LPIN1: variants seen among roughly 807,000 people sequenced by gnomAD.
LPIN1 encodes lipin 1.
LPIN1 carries 71 observed loss-of-function variants against 107.5 expected under a neutral mutation model. The observed-to-expected ratio is 0.66, with a 90% CI of 0.55 to 0.80. LPIN1 has a LOEUF of 0.80. Ranked by LOEUF, LPIN1 falls within the 30% of genes least tolerant of loss-of-function variation. The pLI is 0.00. For missense variants in LPIN1, 1,043 were observed against 1,160.6 expected (o/e 0.90, Z 1.47); for synonymous variants, 445 against 452.6 (o/e 0.98, Z 0.21).
chr2:11,820,591 T>C (rs1411586255), intron 20 of LPIN1, 77 bp downstream of exon 20: 1 of 1,036,562 alleles, frequency 9.6e-7, no homozygotes, highest in Non-Finnish European at 1.5e-6. Context: ...GTTTGCGGTG[T>C]ACCTTTTCCC....
At chr2:11,819,399 T>C in intron 18 of LPIN1, 85 bp from the exon 19 acceptor site, 1 of 896,734 alleles carries the variant, frequency 1.1e-6, no homozygotes, top group Non-Finnish European at 1.9e-6. Context: ...TTCTCAGTGT[T>C]GCGGCAGCTT....
chr2:11,733,396 A>G (rs1191093516), intron 1 of LPIN1, among the ~76,000 whole-genome samples: 2 of 152,070 alleles, frequency 1.3e-5, no homozygotes, highest in African/African-American at 4.8e-5. Context: ...CACCCCTAAC[A>G]CTAGTTGGCC....
chr2:11,808,110 C>G (rs772357785), intron 17 of LPIN1, among the ~76,000 whole-genome samples: 1 of 152,186 alleles, frequency 6.6e-6, no homozygotes, highest in Non-Finnish European at 1.5e-5. Flanking sequence ...TGCCACAGTC[C>G]TCAGGCCACA....
chr2:11,705,684 G>A (rs1663090459), intron 1 of LPIN1, among the ~76,000 whole-genome samples: 1 of 152,188 alleles, frequency 6.6e-6, no homozygotes, highest in African/African-American at 2.4e-5. Context: ...AGTGTGACTG[G>A]GCCAGAGAGA....
intron 17 of LPIN1, among the ~76,000 whole-genome samples, chr2:11,807,905 C>T (rs1678989175): frequency 1.3e-5 from 2 of 152,098 alleles, no homozygotes; most frequent in African/African-American, 2.4e-5. Flanking sequence ...ACTTTCAGGT[C>T]CCAGTCTTCT....
intron 1 of LPIN1, among the ~76,000 whole-genome samples, chr2:11,687,651 C>A (rs143575242): frequency 6.6e-6 from 1 of 152,358 alleles, no homozygotes; most frequent in East Asian, 1.9e-4. Flanking sequence ...TTTGACCAGG[C>A]CTGCAATACA....
At chr2:11,692,340 C>A (rs539168582) in intron 1 of LPIN1, among the ~76,000 whole-genome samples, 140 of 152,128 alleles carry the variant, frequency 9.2e-4, no homozygotes, top group African/African-American at 3.2e-3. Context: ...GGCTGTGTGG[C>A]TTCAGTAAGT....
At chr2:11,789,469 CG>C (rs1675279498) in intron 12 of LPIN1, among the ~76,000 whole-genome samples, 1 of 150,144 alleles carries the variant, frequency 6.7e-6, no homozygotes, top group Admixed American at 6.6e-5. Flanking sequence ...TGGATGTGCA[CG>C]TGTGTGCATG....
At chr2:11,758,221 G>A (rs1184962077) in intron 1 of LPIN1, among the ~76,000 whole-genome samples, 1 of 151,664 alleles carries the variant, frequency 6.6e-6, no homozygotes, top group East Asian at 1.9e-4. Flanking sequence ...ATGCTGCCAC[G>A]ACCATGGGTG....
At position 11,824,633 on chromosome 2, in the gene LPIN1, T is replaced by A. The variant is rs1430270004; in HGVS notation, c.2623T>A (p.Tyr875Asn). 6.2e-7 allele frequency: 1 copy of A among 1,613,894 alleles called. No individual in the cohort carries two copies. The highest frequency in any genetic ancestry group is 8.5e-7 in the Non-Finnish European group (1 of 1,180,016). The change falls in exon 21 of 21, where the codon TAT (tyrosine) becomes AAT (asparagine). Residue 875 changes from tyrosine (Y) to asparagine (N), a missense_variant and splice_region_variant. Transcript: ENST00000674199. Reference sequence around the variant, plus strand: ...GTGACAATGTCCCTTTCCTTCCAGGTATGTGAGACTCTGTGAAGTAGTCGA... The same window carrying A: ...GTGACAATGTCCCTTTCCTTCCAGGAATGTGAGACTCTGTGAAGTAGTCGA... The part of the protein sequence containing the change: ...QEHAKTNISS[Y>N]VRLCEVVDHV...
chr2:11,795,172 TC>T (rs1038745229), intron 13 of LPIN1, among the ~76,000 whole-genome samples: 1 of 152,182 alleles, frequency 6.6e-6, no homozygotes, highest in African/African-American at 2.4e-5. Context: ...GATAACAGAT[TC>T]GTTTCTGTCA....
rs1206382539 is a variant in LPIN1, at chr2:11,815,214, C to A, written c.2376C>A (p.Pro792=). The A allele has an allele frequency of 6.2e-7, 1 of 1,614,162 alleles. No homozygotes were observed. The highest frequency in any genetic ancestry group is 1.1e-5 in the South Asian group (1 of 91,078). Residue 792 remains proline, a synonymous_variant, in exon 18 of 21, where the codon CCC becomes CCA. Coordinates refer to ENST00000674199, the MANE Select transcript of LPIN1 (RefSeq NM_001349206.2). ...CCCAGGGGCCCCTGCTGCTGAGTCC[C>A]AGCAGCCTCTTCTCTGCCCTGCACA... ...VLPQGPLLLS[P]SSLFSALHRE...
chr2:11,804,631 G>C lies in LPIN1; in HGVS notation c.2162+60G>C, dbSNP rs1281980655. 1.9e-6 allele frequency: 3 copies of C among 1,583,964 alleles called. No homozygotes were observed. The African/African-American group carries it at 4.0e-5, about 21-fold the overall frequency. On this transcript the variant is annotated intron_variant, in intron 16 of 20. Coordinates refer to ENST00000674199, the MANE Select transcript of LPIN1 (RefSeq NM_001349206.2). ...TCTTTGCTTCACCGTGGGGGTCTCT[G>C]GGCCTGGTGTTGGCACCTCTGCTCT...
chr2:11,755,213 C>T (rs879760271), intron 1 of LPIN1, among the ~76,000 whole-genome samples: 5 of 151,976 alleles, frequency 3.3e-5, no homozygotes, highest in East Asian at 1.9e-4. Flanking sequence ...GTGATCCGCC[C>T]GCCTCAGCCT....
At chr2:11,683,675 C>T (rs1282571083) in intron 1 of LPIN1, among the ~76,000 whole-genome samples, 2 of 152,228 alleles carry the variant, frequency 1.3e-5, no homozygotes, top group Non-Finnish European at 1.5e-5. Flanking sequence ...GGCTTCCCCC[C>T]AATGCTGTGG....
intron 20 of LPIN1, among the ~76,000 whole-genome samples, chr2:11,823,588 G>T (rs1339765659): frequency 6.6e-6 from 1 of 152,052 alleles, no homozygotes; most frequent in South Asian, 2.1e-4. Context: ...TCTGGATTTT[G>T]GAAGTTCCTT....
chr2:11,785,928 C>A (rs1674498150), intron 10 of LPIN1, among the ~76,000 whole-genome samples: 1 of 152,206 alleles, frequency 6.6e-6, no homozygotes, highest in South Asian at 2.1e-4. Context: ...CCGCCGGCTC[C>A]ATTCATTCAC....
intron 1 of LPIN1, among the ~76,000 whole-genome samples, chr2:11,753,353 T>C (rs1208306422): frequency 6.6e-6 from 1 of 151,934 alleles, no homozygotes; most frequent in African/African-American, 2.4e-5. Context: ...TTCTAGTGAG[T>C]TTTTGTATTT....
rs1180882136 is a variant in LPIN1, at chr2:11,765,642, T to C, written c.101T>C (p.Ile34Thr). The change falls in exon 2 of 21, where the codon ATT becomes ACT. Residue 34 changes from isoleucine (I) to threonine (T), a missense_variant. Coordinates refer to ENST00000674199, the MANE Select transcript of LPIN1 (RefSeq NM_001349206.2). The surrounding 1 kb of genome is among the most constrained non-coding windows in gnomAD (Gnocchi z 4.4). ...PATLSGCIDI[I>T]VIRQPNGNLQ... ...ACACTCTCAGGGTGCATTGACATCA[T>C]TGTCATCCGCCAGCCCAATGGAAAC... The C allele has an allele frequency of 1.9e-6, 3 of 1,614,040 alleles. No individual in the cohort carries two copies. Among genetic ancestry groups the C allele is most frequent in the Non-Finnish European group, 2.5e-6 (3 of 1,180,030 alleles).
Sources: gnomAD v4.1 joint callset for allele counts (sites outside exome capture counted in the v4.1 genomes callset) on GRCh38, gnomAD v4.1.1 for gene constraint, Gnocchi (gnomAD v3.1) non-coding constraint, MANE v1.5 for transcripts, NCBI Gene and HGNC (gene_info 2026-07-23, HGNC 2026-07-21) for gene names.